The following ACOX2 variants were observed in gnomAD, a reference collection of about 807,000 sequenced individuals.
ACOX2 encodes peroxisomal acyl-coenzyme A oxidase 2.
In ACOX2, 59 loss-of-function variants were observed where a neutral mutation model predicts 77.5. That is an observed-to-expected ratio of 0.76 (90% CI 0.62 to 0.95). The LOEUF (loss-of-function observed/expected upper bound fraction) is 0.95, where lower values mean the gene tolerates loss of function less well. ACOX2 is among the 40% of genes least tolerant of loss of function. ACOX2 has a pLI of 0.00. For missense variants in ACOX2, 837 were observed against 880.4 expected, an observed-to-expected ratio of 0.95 and a Z score of 0.62; for synonymous variants, 317 against 340.1, an observed-to-expected ratio of 0.93 and a Z score of 0.75.
Position 58,533,323 on chromosome 3 carries a change from G to A in ACOX2, c.583+122C>T. The A allele has an allele frequency of 3.3e-6, 3 of 895,960 alleles. No homozygotes were observed. Among genetic ancestry groups the A allele is most frequent in the Non-Finnish European group, 5.3e-6 (3 of 567,600 alleles). 55.5% of individuals were successfully genotyped at this position (895,960 alleles called of 1,614,324 possible). ...AGGTTGGTGAACTGACTTGCCCAAG[G>A]TCAGCAGCCTAGAACAGAAAATCAA... On this transcript the variant is annotated intron_variant, in intron 5 of 14. Coordinates refer to ENST00000302819, the MANE Select transcript of ACOX2 (RefSeq NM_003500.4). The surrounding 1 kb of genome is among the most constrained non-coding windows in gnomAD (Gnocchi z 5.6).
chr3:58,518,614 G>C (rs989249693), intron 12 of ACOX2, among the ~76,000 whole-genome samples: 20 of 152,192 alleles, frequency 1.3e-4, no homozygotes, highest in African/African-American at 4.8e-4. Flanking sequence ...AAGGAAGAGA[G>C]AAAGTATAAA....
In ACOX2 at chr3:58,526,695, G is replaced by C. The variant is rs1265787778; in HGVS notation, c.1156-39C>G. On this transcript the variant is annotated intron_variant, in intron 9 of 14. Transcript: ENST00000302819. The surrounding 1 kb of genome is among the most constrained non-coding windows in gnomAD (Gnocchi z 4.3). ...GAGGGGGGTTGGGCGGTGTTAGGGG[G>C]CCTCCACCATAGGGACCAACCCTGT... 2 of 1,599,370 alleles carry C rather than the reference G, an allele frequency of 1.3e-6. No homozygotes were observed. The highest frequency in any genetic ancestry group is 3.4e-5 in the Admixed American group (2 of 59,408).
chr3:58,529,314 A>G (rs138786930), intron 8 of ACOX2: 220 of 166,988 alleles, frequency 1.3e-3, no homozygotes, highest in Non-Finnish European at 2.4e-3. Context: ...GATGATTTGA[A>G]CCTGTGACCT....
Position 58,526,738 on chromosome 3 carries a change from T to G in ACOX2, c.1156-82A>C. On this transcript the variant is annotated intron_variant, in intron 9 of 14. Coordinates refer to ENST00000302819, the MANE Select transcript of ACOX2 (RefSeq NM_003500.4). The surrounding 1 kb of genome is among the most constrained non-coding windows in gnomAD (Gnocchi z 4.3). ...AACCCTGTGCACCACTTACTGAGCATCTACTCATGCCCAGCTCAGCTCTGA... is the reference window on the plus strand; with the variant it reads ...AACCCTGTGCACCACTTACTGAGCAGCTACTCATGCCCAGCTCAGCTCTGA... 1 of 1,437,486 alleles carries G rather than the reference T, an allele frequency of 7.0e-7. No individual in the cohort carries two copies. The highest frequency in any genetic ancestry group is 1.3e-5 in the South Asian group (1 of 77,406). 89.0% of individuals were successfully genotyped at this position (1,437,486 alleles called of 1,614,324 possible).
chr3:58,512,516 C>T lies in ACOX2; in HGVS notation c.1851-3491G>A, dbSNP rs865975246. Among the ~76,000 whole-genome samples, 18 of 152,200 alleles carry T rather than the reference C, an allele frequency of 1.2e-4. No individual in the cohort carries two copies. Among genetic ancestry groups the T allele is most frequent in the African/African-American group, 3.9e-4 (16 of 41,454 alleles). On this transcript the variant is annotated intron_variant, in intron 13 of 14. Coordinates refer to ENST00000302819, the MANE Select transcript of ACOX2 (RefSeq NM_003500.4). This position sits in a 1 kb window ranked among gnomAD's most constrained non-coding sequence, Gnocchi z 4.8. The stretch of plus-strand genomic sequence containing the variant: ...CATTCTATCCCATGCTCAAAACCCT[C>T]GCATTCTCTTAAGTCTTTGCAATGA...
chr3:58,536,931 A>C (rs970085904), intron 1 of ACOX2, among the ~76,000 whole-genome samples, 188 bp downstream of exon 1: 2 of 152,218 alleles, frequency 1.3e-5, no homozygotes, highest in African/African-American at 4.8e-5. Flanking sequence ...CAGAAACTGC[A>C]AGAGGGCCGG....
rs762372178 is a variant in ACOX2 at position 58,524,478 on chromosome 3, C to T, written c.1474G>A (p.Asp492Asn). Residue 492 changes from aspartate (D) to asparagine (N), a missense_variant, in exon 11 of 15, where the codon GAC (aspartate) becomes AAC (asparagine). Transcript: ENST00000302819. This position sits in a 1 kb window ranked among gnomAD's most constrained non-coding sequence, Gnocchi z 5.5. ...LARCPAQRAA[D>N]FLCPELYTTA... is the part of the protein sequence containing the mutation. ...GTGTAGAGCTCCGGGCAGAGGAAGT[C>T]GGCTGCCCTCTGGGCTGGACACCTG... 20 of 1,613,822 alleles carry T rather than the reference C, an allele frequency of 1.2e-5. No individual in the cohort carries two copies. In the Middle Eastern group the frequency reaches 1.5e-3, roughly 119 times the overall value.
At position 58,505,220 on chromosome 3, in the gene ACOX2, T is replaced by G; in HGVS notation, c.*4A>C. 6.2e-7 allele frequency: 1 copy of G among 1,612,438 alleles called. No individual in the cohort carries two copies. The highest frequency in any genetic ancestry group is 8.5e-7 in the Non-Finnish European group (1 of 1,179,050). ...TGGTTGCTTCTTGAATACTGTTGGT[T>G]ATTTCATAGCTTGGATCTCCAACTT... is the stretch of plus-strand genomic sequence containing the variant. On this transcript the variant is annotated 3_prime_UTR_variant, in exon 15 of 15. Transcript: ENST00000302819. The surrounding 1 kb of genome is among the most constrained non-coding windows in gnomAD (Gnocchi z 4.4).
In ACOX2 at chr3:58,517,288, C is replaced by A; in HGVS notation, c.1768G>T (p.Asp590Tyr). Reference protein sequence around the residue: ...AIHGILTNSGDFLHDAFLSGA... With the variant: ...AIHGILTNSGYFLHDAFLSGA... The stretch of plus-strand genomic sequence containing the variant: ...GACAGGAAGGCGTCATGGAGAAAGT[C>A]ACCCGAGTTAGTCAAGATTCCATGT... The change falls in exon 13 of 15, where the codon GAC becomes TAC. Residue 590 changes from aspartate to tyrosine, a missense_variant. Coordinates refer to ENST00000302819, the MANE Select transcript of ACOX2 (RefSeq NM_003500.4). 3 of 1,614,190 alleles carry A rather than the reference C, an allele frequency of 1.9e-6. No individual in the cohort carries two copies. The East Asian group carries it at 6.7e-5, about 36-fold the overall frequency.
intron 8 of ACOX2, 47 bp downstream of exon 8, chr3:58,530,419 C>T: frequency 6.3e-7 from 1 of 1,591,544 alleles, no homozygotes; most frequent in African/African-American, 1.3e-5. Context: ...CACTGTGGGA[C>T]CAAGAGGCAG....
Position 58,531,039 on chromosome 3 carries a change from A to G in ACOX2, c.819+212T>C, listed in dbSNP as rs1490233951. Reference sequence around the variant, plus strand: ...TGCTCTGTCAGCCTATGTGACGAGCATTTCTGCATGAGAGGTCTGAGGCTC... The same window carrying G: ...TGCTCTGTCAGCCTATGTGACGAGCGTTTCTGCATGAGAGGTCTGAGGCTC... On this transcript the variant is annotated intron_variant, in intron 7 of 14. Coordinates refer to ENST00000302819, the MANE Select transcript of ACOX2 (RefSeq NM_003500.4). This position sits in a 1 kb window ranked among gnomAD's most constrained non-coding sequence, Gnocchi z 5.8. Among the ~76,000 whole-genome samples the G allele has an allele frequency of 6.6e-6, 1 of 152,192 alleles. No individual in the cohort carries two copies. Among genetic ancestry groups the G allele is most frequent in the African/African-American group, 2.4e-5 (1 of 41,458 alleles).
Position 58,522,655 on chromosome 3 carries a change from T to A in ACOX2, c.1527-54A>T, listed in dbSNP as rs2063367063. On this transcript the variant is annotated intron_variant, in intron 11 of 14. Coordinates refer to ENST00000302819, the MANE Select transcript of ACOX2 (RefSeq NM_003500.4). The surrounding 1 kb of genome is among the most constrained non-coding windows in gnomAD (Gnocchi z 4.3). ...TTCCTGACTGAGTGGAAAAGACAACTGATGGGCTTCCTGTGGTCCCTCAGA... is the reference window on the plus strand; with the variant it reads ...TTCCTGACTGAGTGGAAAAGACAACAGATGGGCTTCCTGTGGTCCCTCAGA... The A allele has an allele frequency of 6.6e-7, 1 of 1,507,072 alleles. No homozygotes were observed. The highest frequency in any genetic ancestry group is 9.2e-7 in the Non-Finnish European group (1 of 1,083,008). 93.4% of individuals were successfully genotyped at this position (1,507,072 alleles called of 1,614,324 possible).
At position 58,528,689 on chromosome 3, in the gene ACOX2, G is replaced by T. The variant is rs2063414318; in HGVS notation, c.1155+105C>A. Reference sequence around the variant, plus strand: ...ATGCTGAAAGCTGGGAGAGGTGGGGGTGGGGAGTGCCCATGGGGATGGGGC... The same window carrying T: ...ATGCTGAAAGCTGGGAGAGGTGGGGTTGGGGAGTGCCCATGGGGATGGGGC... On this transcript the variant is annotated intron_variant, in intron 9 of 14. Transcript: ENST00000302819. The surrounding 1 kb of genome is among the most constrained non-coding windows in gnomAD (Gnocchi z 5.6). 15 of 1,363,320 alleles carry T rather than the reference G, an allele frequency of 1.1e-5. No individual in the cohort carries two copies. The highest frequency in any genetic ancestry group is 2.7e-4 in the Middle Eastern group (1 of 3,662). The allele number at this position is 1,363,320 out of a possible 1,614,324, so 84.5% of individuals were successfully genotyped here.
At chr3:58,527,771 C>T (rs2063406972) in intron 9 of ACOX2, among the ~76,000 whole-genome samples, 2 of 152,104 alleles carry the variant, frequency 1.3e-5, no homozygotes, top group Admixed American at 1.3e-4. Flanking sequence ...CTCACTGCAT[C>T]CTTGCACTCC....
rs2063346047 is a variant in ACOX2 at position 58,519,762 on chromosome 3, G to T, written c.1633-2339C>A. 6.6e-6 allele frequency among the ~76,000 whole-genome samples: 1 copy of T among 152,266 alleles called. No individual in the cohort carries two copies. The highest frequency in any genetic ancestry group is 2.1e-4 in the South Asian group (1 of 4,838). ...CCACTTTGCCATTCAGACATGGTGT[G>T]CTCACAGCCATGCTGGGCTTGCAGC... On this transcript the variant is annotated intron_variant, in intron 12 of 14. Coordinates refer to ENST00000302819, the MANE Select transcript of ACOX2 (RefSeq NM_003500.4). The surrounding 1 kb of genome is among the most constrained non-coding windows in gnomAD (Gnocchi z 5.0).
At chr3:58,511,172 A>T (rs2063284434) in intron 13 of ACOX2, 1 of 380,464 alleles carries the variant, frequency 2.6e-6, no homozygotes, top group African/African-American at 2.1e-5. Flanking sequence ...TGTCTACTAG[A>T]TGTCTTTTCC....
In ACOX2 at chr3:58,522,975, T is replaced by C. The variant is rs2063370138; in HGVS notation, c.1527-374A>G. The C allele has an allele frequency of 5.1e-6, 1 of 196,190 alleles. No individual in the cohort carries two copies. The highest frequency in any genetic ancestry group is 1.1e-5 in the Non-Finnish European group (1 of 92,764). The allele number at this position is 196,190 out of a possible 1,614,324, so 12.2% of individuals were successfully genotyped here. A position where few individuals can be genotyped will look rare whatever the true frequency, so the allele number is the denominator to read the frequency against. ...ACACCAGTATGTTCAGGCCTTTTTG[T>C]TGACTGACGTCCTGTGGCCTGAGCA... On this transcript the variant is annotated intron_variant, in intron 11 of 14. Coordinates refer to ENST00000302819, the MANE Select transcript of ACOX2 (RefSeq NM_003500.4). The surrounding 1 kb of genome is among the most constrained non-coding windows in gnomAD (Gnocchi z 4.3).
rs1238769572 is a variant in ACOX2 at position 58,526,499 on chromosome 3, C to A, written c.1313G>T (p.Gly438Val). 2 of 1,613,946 alleles carry A rather than the reference C, an allele frequency of 1.2e-6. No homozygotes were observed. Among genetic ancestry groups the A allele is most frequent in the Non-Finnish European group, 8.5e-7 (1 of 1,179,974 alleles). ...TKLSASCTYE[G>V]ENTVLYLQVA... ...CTGCAGGTAGAGCACTGTGTTCTCA[C>A]CCTCGTAGGTACAGGAGGCCGACAA... The change falls in exon 10 of 15, where the codon GGT becomes GTT. Residue 438 changes from glycine (G) to valine (V), a missense_variant. Coordinates refer to ENST00000302819, the MANE Select transcript of ACOX2 (RefSeq NM_003500.4). This position sits in a 1 kb window ranked among gnomAD's most constrained non-coding sequence, Gnocchi z 4.3.
At chr3:58,510,963 G>T (rs1243102300) in intron 13 of ACOX2, 1 of 455,816 alleles carries the variant, frequency 2.2e-6, no homozygotes, top group Non-Finnish European at 4.4e-6. Flanking sequence ...CTTTTTCTTA[G>T]GCAGTTATTT....
Sources: gnomAD v4.1 joint callset for allele counts (sites outside exome capture counted in the v4.1 genomes callset) on GRCh38, gnomAD v4.1.1 for gene constraint, Gnocchi (gnomAD v3.1) non-coding constraint, MANE v1.5 for transcripts, NCBI Gene and HGNC (gene_info 2026-07-23, HGNC 2026-07-21) for gene names.